VWC2: variants seen among roughly 807,000 people sequenced by gnomAD.
The protein encoded by VWC2 is brorin.
A neutral mutation model predicts 29.8 loss-of-function variants in VWC2; 14 were observed. The observed-to-expected ratio is 0.47, with a 90% CI of 0.31 to 0.74. The LOEUF (loss-of-function observed/expected upper bound fraction) is 0.74, where lower values mean the gene tolerates loss of function less well. VWC2 is among the 30% of genes least tolerant of loss of function. VWC2 has a pLI of 0.05. For missense variants in VWC2, 457 were observed against 459.8 expected (o/e 0.99, Z 0.05); for synonymous variants, 213 against 199.0 (o/e 1.07, Z -0.59).
chr7:49,845,817 G>A (rs1789929086), intron 3 of VWC2, among the ~76,000 whole-genome samples: 1 of 152,178 alleles, frequency 6.6e-6, no homozygotes, highest in South Asian at 2.1e-4. Context: ...CTTGTGATGT[G>A]GGAGTGGCAA....
chr7:49,896,991 G>C (rs1792418900), intron 3 of VWC2, among the ~76,000 whole-genome samples: 2 of 150,328 alleles, frequency 1.3e-5, no homozygotes, highest in South Asian at 4.2e-4. Context: ...CGCTTCCCGG[G>C]TTCACGCCAT....
chr7:49,802,982 T>A lies in VWC2; in HGVS notation c.826+142T>A. The A allele has an allele frequency of 3.8e-6, 4 of 1,064,406 alleles. No individual in the cohort carries two copies. In the South Asian group the frequency reaches 7.1e-5, roughly 19 times the overall value. 65.9% of individuals were successfully genotyped at this position (1,064,406 alleles called of 1,614,324 possible). ...TACACATGCGTACACACGTGTGTAATCTTTCAGCCACAGTGGTTCTGTAGC... is the reference window on the plus strand; with the variant it reads ...TACACATGCGTACACACGTGTGTAAACTTTCAGCCACAGTGGTTCTGTAGC... On this transcript the variant is annotated intron_variant, in intron 3 of 3. Coordinates refer to ENST00000340652, the MANE Select transcript of VWC2 (RefSeq NM_198570.5).
rs1452442861 is a variant in VWC2, at chr7:49,917,461, A to G, written c.*5276A>G. 1 of 152,238 alleles carries G rather than the reference A, an allele frequency of 6.6e-6. No individual in the cohort carries two copies. The highest frequency in any genetic ancestry group is 1.9e-4 in the East Asian group (1 of 5,204). The allele number at this position is 152,238 out of a possible 1,614,324, so 9.4% of individuals were successfully genotyped here. On this transcript the variant is annotated 3_prime_UTR_variant, in exon 4 of 4. Coordinates refer to ENST00000340652, the MANE Select transcript of VWC2 (RefSeq NM_198570.5). ...TGGCCCATGAGCAGTTTATGATTTA[A>G]GACGTGCATACTGTTTAACTCTTTC...
chr7:49,782,557 T>G (rs1788201052), intron 2 of VWC2, among the ~76,000 whole-genome samples: 1 of 150,378 alleles, frequency 6.6e-6, no homozygotes, highest in African/African-American at 2.4e-5. Flanking sequence ...AAAAAAAAGA[T>G]AATGGGGCCT....
chr7:49,885,695 G>A (rs1791872632), intron 3 of VWC2, among the ~76,000 whole-genome samples: 1 of 152,212 alleles, frequency 6.6e-6, no homozygotes, highest in Admixed American at 6.5e-5. Context: ...TAGTGATCAG[G>A]AATAGATACA....
intron 3 of VWC2, among the ~76,000 whole-genome samples, chr7:49,858,668 G>A (rs1431625610): frequency 6.6e-6 from 1 of 151,654 alleles, no homozygotes. Context: ...ACAAACCTGC[G>A]TTGTGCACAT....
At chr7:49,799,568 G>A (rs923582036) in intron 2 of VWC2, among the ~76,000 whole-genome samples, 109 of 152,354 alleles carry the variant, frequency 7.2e-4, no homozygotes, top group African/African-American at 2.5e-3. Context: ...GCTGGTGAAG[G>A]CAGATGTAGG....
rs575702272 is a variant in VWC2 at position 49,888,680 on chromosome 7, G to A, written c.827-23354G>A. On this transcript the variant is annotated intron_variant, in intron 3 of 3. Transcript: ENST00000340652. ...AATCCCAGCACTTTGGGAGGCCTAG[G>A]TGGGTGGATCACCTGCGGTCAGGAG... Among the ~76,000 whole-genome samples the A allele has an allele frequency of 7.9e-5, 12 of 152,266 alleles. 1 individual carries two copies. The South Asian group carries it at 2.5e-3, about 32-fold the overall frequency.
intron 3 of VWC2, among the ~76,000 whole-genome samples, chr7:49,812,210 T>C (rs1190152560): frequency 6.6e-6 from 1 of 152,218 alleles, no homozygotes; most frequent in Non-Finnish European, 1.5e-5. Flanking sequence ...TGATGGTATG[T>C]TTATTAATTG....
chr7:49,892,031 A>ATTTTTT (rs536880676), intron 3 of VWC2, among the ~76,000 whole-genome samples: 4 of 53,288 alleles, frequency 7.5e-5, no homozygotes, highest in East Asian at 6.8e-4. Flanking sequence ...GACAAAGTAG[A>ATTTTTT]TTTTTTTTTT....
intron 2 of VWC2, among the ~76,000 whole-genome samples, chr7:49,784,236 T>G (rs1225977198): frequency 6.6e-6 from 1 of 152,252 alleles, no homozygotes; most frequent in Non-Finnish European, 1.5e-5. Context: ...ATCCAAATAA[T>G]GTACACTGCA....
chr7:49,779,793 G>A (rs996441627), intron 2 of VWC2, among the ~76,000 whole-genome samples: 4 of 152,244 alleles, frequency 2.6e-5, no homozygotes, highest in East Asian at 1.9e-4. Context: ...TGTCAGCAGG[G>A]CTGGTTTCTT....
chr7:49,778,503 A>C (rs1314492633), intron 2 of VWC2, among the ~76,000 whole-genome samples: 1 of 152,206 alleles, frequency 6.6e-6, no homozygotes, highest in African/African-American at 2.4e-5. Context: ...ATAGTGTTAG[A>C]GCATGTTTGC....
chr7:49,907,458 G>T (rs775324268), intron 3 of VWC2, among the ~76,000 whole-genome samples: 1 of 152,088 alleles, frequency 6.6e-6, no homozygotes, highest in Admixed American at 6.6e-5. Context: ...ATAACAGTAG[G>T]ATAAAAATAG....
chr7:49,859,976 A>G (rs2128719887), intron 3 of VWC2, among the ~76,000 whole-genome samples: 1 of 151,824 alleles, frequency 6.6e-6, no homozygotes, highest in Non-Finnish European at 1.5e-5. Context: ...ATAAATATAT[A>G]CTTATATTTA....
intron 3 of VWC2, among the ~76,000 whole-genome samples, chr7:49,835,978 A>G (rs1278559676): frequency 6.6e-6 from 1 of 152,226 alleles, no homozygotes; most frequent in African/African-American, 2.4e-5. Context: ...AGAAGAAAAT[A>G]CAATTTTCTG....
At chr7:49,891,628 A>C (rs555290714) in intron 3 of VWC2, among the ~76,000 whole-genome samples, 1 of 152,318 alleles carries the variant, frequency 6.6e-6, no homozygotes, top group African/African-American at 2.4e-5. Context: ...AAAAACAGCA[A>C]TAATACCAAC....
rs1028665825 is a variant in VWC2, at chr7:49,802,645, T to A, written c.697-66T>A. ...AGAGCGAGACTCCATTTCAAAAAAATATATATGACCCTGTAGGATAAACAT... is the reference window on the plus strand; with the variant it reads ...AGAGCGAGACTCCATTTCAAAAAAAAATATATGACCCTGTAGGATAAACAT... On this transcript the variant is annotated intron_variant, in intron 2 of 3. Transcript: ENST00000340652. 1.8e-5 allele frequency: 28 copies of A among 1,592,258 alleles called. No individual in the cohort carries two copies. In the South Asian group the frequency reaches 2.4e-4, roughly 13 times the overall value.
chr7:49,842,469 C>T (rs1789820702), intron 3 of VWC2, among the ~76,000 whole-genome samples: 1 of 151,984 alleles, frequency 6.6e-6, no homozygotes, highest in African/African-American at 2.4e-5. Flanking sequence ...AGAGATAATA[C>T]AGGAGAGTAA....
Sources: gnomAD v4.1 joint callset for allele counts (sites outside exome capture counted in the v4.1 genomes callset) on GRCh38, gnomAD v4.1.1 for gene constraint, MANE v1.5 for transcripts, NCBI Gene and HGNC (gene_info 2026-07-23, HGNC 2026-07-21) for gene names.